The following DAPL1 variants were observed in gnomAD, a reference collection of about 807,000 sequenced individuals.
The protein encoded by DAPL1 is death-associated protein-like 1.
DAPL1 carries 17 observed loss-of-function variants against 12.9 expected under a neutral mutation model. That is an observed-to-expected ratio of 1.32 (90% CI 0.90 to 1.98). The LOEUF (loss-of-function observed/expected upper bound fraction) is 1.98, where lower values mean the gene tolerates loss of function less well. Ranked by LOEUF, DAPL1 falls within the 30% of genes most tolerant of loss-of-function variation. The pLI is 0.00. For missense variants in DAPL1, 157 were observed against 125.7 expected, an observed-to-expected ratio of 1.25 and a Z score of -1.19; for synonymous variants, 51 against 42.0, an observed-to-expected ratio of 1.21 and a Z score of -0.82.
At chr2:158,800,646 C>T (rs2059162251) in intron 1 of DAPL1, among the ~76,000 whole-genome samples, 1 of 152,116 alleles carries the variant, frequency 6.6e-6, no homozygotes, top group South Asian at 2.1e-4. Context: ...TGCTCCTCTG[C>T]CCTCATGACA....
intron 2 of DAPL1, among the ~76,000 whole-genome samples, chr2:158,806,518 T>C (rs1397746539): frequency 6.6e-6 from 1 of 151,736 alleles, no homozygotes; most frequent in Non-Finnish European, 1.5e-5. Context: ...TTTCTGTATG[T>C]ATATCATATT....
At chr2:158,811,292 G>A (rs2059228908) in intron 3 of DAPL1, among the ~76,000 whole-genome samples, 1 of 152,152 alleles carries the variant, frequency 6.6e-6, no homozygotes, top group African/African-American at 2.4e-5. Flanking sequence ...TATCACTGTA[G>A]GAGTATCCTT....
At chr2:158,804,487 G>A (rs1201908092) in intron 2 of DAPL1, 118 bp downstream of exon 2, 3 of 692,132 alleles carry the variant, frequency 4.3e-6, no homozygotes, top group Admixed American at 2.9e-5. Context: ...AGAGAAGGGG[G>A]CAGGAGGGGG....
rs142320983 is a variant in DAPL1, at chr2:158,797,310, G to T, written c.58+1880G>T. On this transcript the variant is annotated intron_variant, in intron 1 of 3. Transcript: ENST00000309950. ...GATTAAAAGAGATCACCTCTGTAAAGTATCTGGCACCTGAATGTTAGCCCC... is the reference window on the plus strand; with the variant it reads ...GATTAAAAGAGATCACCTCTGTAAATTATCTGGCACCTGAATGTTAGCCCC... Among the ~76,000 whole-genome samples the T allele has an allele frequency of 5.3e-5, 8 of 152,280 alleles. No homozygotes were observed. In the East Asian group the frequency reaches 1.5e-3, roughly 29 times the overall value.
At chr2:158,800,087 C>T (rs2059158925) in intron 1 of DAPL1, among the ~76,000 whole-genome samples, 1 of 144,948 alleles carries the variant, frequency 6.9e-6, no homozygotes, top group South Asian at 2.2e-4. Context: ...AAAAATTTGG[C>T]ATTTATTTCT....
At chr2:158,799,633 T>C (rs1055327567) in intron 1 of DAPL1, among the ~76,000 whole-genome samples, 3 of 152,114 alleles carry the variant, frequency 2.0e-5, no homozygotes, top group African/African-American at 4.8e-5. Flanking sequence ...CATCCATCTG[T>C]AGTCTAGGGA....
intron 3 of DAPL1, among the ~76,000 whole-genome samples, chr2:158,811,755 C>A (rs902440732): frequency 3.3e-5 from 5 of 152,124 alleles, no homozygotes; most frequent in African/African-American, 1.2e-4. Context: ...ATGAATGAGA[C>A]AAGAAACACC....
At chr2:158,813,618 C>G (rs968810182) in intron 3 of DAPL1, among the ~76,000 whole-genome samples, 4 of 150,112 alleles carry the variant, frequency 2.7e-5, no homozygotes, top group African/African-American at 4.9e-5. Flanking sequence ...TGCAGTGACC[C>G]GATCTCGGCT....
At chr2:158,813,656 T>G (rs190483109) in intron 3 of DAPL1, among the ~76,000 whole-genome samples, 2 of 150,678 alleles carry the variant, frequency 1.3e-5, no homozygotes, top group East Asian at 2.0e-4. Context: ...CCTGGGTTCA[T>G]GCCATTCTCC....
chr2:158,815,462 C>T (rs2059254893), intron 3 of DAPL1, among the ~76,000 whole-genome samples: 1 of 152,106 alleles, frequency 6.6e-6, no homozygotes, highest in Non-Finnish European at 1.5e-5. Flanking sequence ...TTAACCATTC[C>T]TACTTTTTAA....
chr2:158,796,254 C>T (rs1253485592), intron 1 of DAPL1, among the ~76,000 whole-genome samples: 1 of 152,178 alleles, frequency 6.6e-6, no homozygotes, highest in Non-Finnish European at 1.5e-5. Flanking sequence ...TGCCTTTCTC[C>T]ATTTACAAAA....
At chr2:158,809,629 A>G (rs768568646) in intron 3 of DAPL1, among the ~76,000 whole-genome samples, 1 of 152,072 alleles carries the variant, frequency 6.6e-6, no homozygotes, top group Non-Finnish European at 1.5e-5. Context: ...TATCTACTTC[A>G]TAGGGACATG....
chr2:158,806,850 T>A (rs4664264), intron 2 of DAPL1, among the ~76,000 whole-genome samples: 5,804 of 55,564 alleles, frequency 0.1, 144 homozygotes, highest in Middle Eastern at 0.2. Flanking sequence ...AAAAAAAAAA[T>A]AATAATAATA....
intron 3 of DAPL1, among the ~76,000 whole-genome samples, chr2:158,815,149 GT>G (rs2059253206): frequency 6.6e-6 from 1 of 152,208 alleles, no homozygotes; most frequent in South Asian, 2.1e-4. Flanking sequence ...CCTGAGGCTA[GT>G]AGGCCATCCC....
chr2:158,800,073 A>G (rs898601845), intron 1 of DAPL1, among the ~76,000 whole-genome samples: 1 of 129,788 alleles, frequency 7.7e-6, no homozygotes, highest in Admixed American at 8.1e-5. Context: ...AAAAAAAAAA[A>G]AAAAAAAATT....
chr2:158,811,782 C>T (rs2059232060), intron 3 of DAPL1, among the ~76,000 whole-genome samples: 1 of 152,186 alleles, frequency 6.6e-6, no homozygotes, highest in African/African-American at 2.4e-5. Context: ...TCTACAAATA[C>T]TATCATTTTA....
At chr2:158,807,246 G>A in intron 3 of DAPL1, 131 bp downstream of exon 3, 2 of 534,066 alleles carry the variant, frequency 3.7e-6, no homozygotes, top group Admixed American at 7.0e-5. Context: ...GAAAGAATTT[G>A]TTCTCTGTCA....
At chr2:158,804,979 T>C (rs529983125) in intron 2 of DAPL1, among the ~76,000 whole-genome samples, 404 of 152,264 alleles carry the variant, frequency 2.7e-3, no homozygotes, top group Non-Finnish European at 4.9e-3. Context: ...CCAACCAGTC[T>C]AGGCCTTGGG....
intron 1 of DAPL1, among the ~76,000 whole-genome samples, chr2:158,800,019 G>A (rs55962574): frequency 0.03 from 4,470 of 146,778 alleles, 238 homozygotes; most frequent in African/African-American, 0.11. Flanking sequence ...AGCCGAGATC[G>A]CTCCATGGCA....
Sources: allele counts gnomAD v4.1 joint callset (sites outside exome capture counted in the v4.1 genomes callset), GRCh38; gene constraint gnomAD v4.1.1; transcripts MANE v1.5; gene names NCBI Gene and HGNC (gene_info 2026-07-23, HGNC 2026-07-21).